LSP1: variants seen among roughly 807,000 people sequenced by gnomAD.
LSP1 encodes the protein lymphocyte specific protein 1.
In LSP1, 32 loss-of-function variants were observed where a neutral mutation model predicts 49.3. The observed-to-expected ratio is 0.65, with a 90% CI of 0.49 to 0.87. LSP1 has a LOEUF of 0.87. LSP1 is among the 40% of genes least tolerant of loss of function. LSP1 has a pLI of 0.00. For synonymous variants in LSP1, 179 were observed against 178.8 expected (o/e 1.00, Z -0.01); for missense variants, 428 against 442.6 (o/e 0.97, Z 0.30).
intron 7 of LSP1, among the ~76,000 whole-genome samples, chr11:1,885,009 C>T (rs1337603433): frequency 6.6e-6 from 1 of 151,978 alleles, no homozygotes; most frequent in East Asian, 1.9e-4. Context: ...CAATATTCCT[C>T]CAGTCAATCA....
At chr11:1,875,104 A>T (rs543940881) in intron 1 of LSP1, among the ~76,000 whole-genome samples, 68 of 149,140 alleles carry the variant, frequency 4.6e-4, no homozygotes, top group Non-Finnish European at 9.1e-4. Flanking sequence ...TGTAAAGCCC[A>T]TGGGGGGCAG....
intron 1 of LSP1, among the ~76,000 whole-genome samples, chr11:1,859,989 G>A (rs915308110): frequency 4.6e-5 from 7 of 152,126 alleles, no homozygotes; most frequent in East Asian, 1.9e-4. Flanking sequence ...ACATACATTC[G>A]CAGGTATGTG....
intron 10 of LSP1, chr11:1,890,900 T>A: frequency 2.8e-6 from 1 of 354,810 alleles, no homozygotes; most frequent in Non-Finnish European, 5.2e-6. Flanking sequence ...AGGCCCCAAG[T>A]ACACAGCCTG....
chr11:1,890,323 G>A (rs1386037812), intron 10 of LSP1: 2 of 712,500 alleles, frequency 2.8e-6, no homozygotes, highest in Non-Finnish European at 5.2e-6. Context: ...TCGGCGGGGT[G>A]CGGGCCCTCA....
At chr11:1,858,330 G>A (rs966210542) in intron 1 of LSP1, among the ~76,000 whole-genome samples, 3 of 152,184 alleles carry the variant, frequency 2.0e-5, no homozygotes, top group Non-Finnish European at 4.4e-5. Context: ...AGCCACTCTG[G>A]ACTCAAAGGC....
At chr11:1,867,627 C>T (rs1175042745) in intron 1 of LSP1, among the ~76,000 whole-genome samples, 7 of 152,282 alleles carry the variant, frequency 4.6e-5, no homozygotes, top group South Asian at 2.1e-4. Flanking sequence ...ACCCCTTTCC[C>T]GGGGACCCCT....
rs968621124 is a variant in LSP1 at position 1,884,761 on chromosome 11, T to A, written c.717+180T>A. ...AATCAATGCCCCTCCATCTAATCAATGTCACTCCATGTAATCAATGCCCCC... is the reference window on the plus strand; with the variant it reads ...AATCAATGCCCCTCCATCTAATCAAAGTCACTCCATGTAATCAATGCCCCC... On this transcript the variant is annotated intron_variant, in intron 7 of 10. Coordinates refer to ENST00000311604, the MANE Select transcript of LSP1 (RefSeq NM_002339.3). The surrounding 1 kb of genome is among the most constrained non-coding windows in gnomAD (Gnocchi z 4.1). 4.6e-5 allele frequency among the ~76,000 whole-genome samples: 7 copies of A among 151,570 alleles called. No homozygotes were observed. Among genetic ancestry groups the A allele is most frequent in the Non-Finnish European group, 7.4e-5 (5 of 67,878 alleles).
intron 10 of LSP1, chr11:1,890,417 G>A (rs773828161): frequency 2.0e-5 from 14 of 717,082 alleles, no homozygotes; most frequent in South Asian, 8.9e-5. Context: ...TGGGTGGAGC[G>A]AGGTGTGTGC....
chr11:1,865,309 C>T (rs1212893871), intron 1 of LSP1: 3 of 917,072 alleles, frequency 3.3e-6, no homozygotes, highest in Non-Finnish European at 3.9e-6. Context: ...GGGCAGGGTG[C>T]CCATGCTGGG....
chr11:1,856,601 G>A (rs1565068741), intron 1 of LSP1, among the ~76,000 whole-genome samples: 1 of 152,254 alleles, frequency 6.6e-6, no homozygotes, highest in African/African-American at 2.4e-5. Flanking sequence ...GACCTGAGGG[G>A]CTGCTCTGGC....
chr11:1,875,156 C>G (rs1307242157), intron 1 of LSP1, among the ~76,000 whole-genome samples: 16 of 149,178 alleles, frequency 1.1e-4, no homozygotes, highest in Non-Finnish European at 2.1e-4. Context: ...TGTGTCGCCC[C>G]CAGCACTGGG....
chr11:1,866,470 G>A, intron 1 of LSP1: 2 of 1,474,514 alleles, frequency 1.4e-6, no homozygotes, highest in African/African-American at 1.4e-5. Flanking sequence ...TGCAGATGCA[G>A]AGAGATGGCT....
chr11:1,866,779 C>A lies in LSP1; in HGVS notation c.54-13308C>A, dbSNP rs567011070. 20 of 1,550,472 alleles carry A rather than the reference C, an allele frequency of 1.3e-5. No homozygotes were observed. The South Asian group carries it at 2.3e-4, about 18-fold the overall frequency. On this transcript the variant is annotated intron_variant, in intron 1 of 10. Coordinates refer to ENST00000311604, the MANE Select transcript of LSP1 (RefSeq NM_002339.3). ...CACCAGTGCTACTTAACAAATGGGC[C>A]CAAGAGAAGGAAGTGCAGCCCCCGG...
intron 1 of LSP1, among the ~76,000 whole-genome samples, chr11:1,867,362 C>T (rs1456857230): frequency 6.9e-6 from 1 of 144,568 alleles, no homozygotes; most frequent in Non-Finnish European, 1.5e-5. Context: ...CACACACACA[C>T]ATGCACACAC....
chr11:1,866,427 C>A, intron 1 of LSP1: 1 of 1,441,288 alleles, frequency 6.9e-7, no homozygotes, highest in Non-Finnish European at 9.2e-7. Context: ...GCCCGGCTCA[C>A]CCCTCCTCCC....
Position 1,884,371 on chromosome 11 carries a change from A to T in LSP1, c.635+48A>T. ...TTTCTGGGCTCAGATCTTAGGTTTA[A>T]CCAAGTGGGGGTTGAAGGGAGTCAC... On this transcript the variant is annotated intron_variant, in intron 6 of 10. Coordinates refer to ENST00000311604, the MANE Select transcript of LSP1 (RefSeq NM_002339.3). This position sits in a 1 kb window ranked among gnomAD's most constrained non-coding sequence, Gnocchi z 4.1. The T allele has an allele frequency of 6.2e-7, 1 of 1,613,168 alleles. No individual in the cohort carries two copies. Among genetic ancestry groups the T allele is most frequent in the South Asian group, 1.1e-5 (1 of 91,062 alleles).
rs1847403571 is a variant in LSP1, at chr11:1,853,187, G to A, written c.43G>A (p.Glu15Lys). 3 of 1,610,910 alleles carry A rather than the reference G, an allele frequency of 1.9e-6. No individual in the cohort carries two copies. Among genetic ancestry groups the A allele is most frequent in the Admixed American group, 3.4e-5 (2 of 59,614 alleles). The change falls in exon 1 of 11, where the codon GAG becomes AAG. Residue 15 changes from glutamate to lysine, a missense_variant. Transcript: ENST00000311604. ...TGACCCGGGTGCCGAGGAGCGGGAA[G>A]AGTTGCTGGGGTAAGGGTCTGCGGC... ...SSDPGAEERE[E>K]LLGPTAQWSV... is the part of the protein sequence containing the mutation.
intron 1 of LSP1, among the ~76,000 whole-genome samples, chr11:1,858,002 C>A (rs966322554): frequency 6.6e-6 from 1 of 152,172 alleles, no homozygotes; most frequent in East Asian, 1.9e-4. Context: ...GTGATCCACC[C>A]GCCCCAGCCT....
At position 1,857,326 on chromosome 11, in the gene LSP1, G is replaced by A. The variant is rs1360103200; in HGVS notation, c.53+4129G>A. On this transcript the variant is annotated intron_variant, in intron 1 of 10. Transcript: ENST00000311604. ...CCAGGAGGGTCTGGGGTCCAGCTGG[G>A]ACAGGCCCTGGCCGGTGACACCCTG... Among the ~76,000 whole-genome samples, 7 of 152,220 alleles carry A rather than the reference G, an allele frequency of 4.6e-5. No individual in the cohort carries two copies. The East Asian group carries it at 1.2e-3, about 25-fold the overall frequency.
Sources: allele counts gnomAD v4.1 joint callset (sites outside exome capture counted in the v4.1 genomes callset), GRCh38; gene constraint gnomAD v4.1.1; non-coding constraint Gnocchi (gnomAD v3.1); transcripts MANE v1.5; gene names NCBI Gene and HGNC (gene_info 2026-07-23, HGNC 2026-07-21).